Variants in TUSC3 observed in about 807,000 individuals in gnomAD.
The protein encoded by TUSC3 is tumor suppressor candidate 3, also known as dolichyl-diphosphooligosaccharide--protein glycosyltransferase subunit TUSC3.
Under a neutral mutation model 44.8 loss-of-function variants are expected in TUSC3, and 45 were observed. That is an observed-to-expected ratio of 1.00 (90% confidence interval 0.79 to 1.29). TUSC3 has a LOEUF of 1.29. Ranked by LOEUF, TUSC3 falls within the 50% of genes most tolerant of loss-of-function variation. The pLI, the probability that TUSC3 is intolerant of heterozygous loss-of-function variation, is 0.00. For synonymous variants in TUSC3, 212 were observed against 152.9 expected (o/e 1.39, Z -2.85); for missense variants, 519 against 437.9 (o/e 1.19, Z -1.65).
At chr8:15,711,754 C>A (rs573686668) in intron 6 of TUSC3, among the ~76,000 whole-genome samples, 1 of 151,640 alleles carries the variant, frequency 6.6e-6, no homozygotes, top group African/African-American at 2.4e-5. Context: ...AAAGATAATG[C>A]TATAATTGCA....
At chr8:15,661,092 A>G (rs1030524457) in intron 4 of TUSC3, among the ~76,000 whole-genome samples, 1 of 151,836 alleles carries the variant, frequency 6.6e-6, no homozygotes, top group Non-Finnish European at 1.5e-5. Flanking sequence ...ACCTCTCTCC[A>G]CACATGCAGA....
At chr8:15,622,794 A>G (rs1013992869) in intron 1 of TUSC3, among the ~76,000 whole-genome samples, 11 of 148,414 alleles carry the variant, frequency 7.4e-5, no homozygotes, top group Non-Finnish European at 1.5e-4. Context: ...GCAAGAGCTT[A>G]CTTTTCTTGA....
At chr8:15,546,454 GT>G (rs201335365) in intron 1 of TUSC3, among the ~76,000 whole-genome samples, 5 of 151,364 alleles carry the variant, frequency 3.3e-5, no homozygotes, top group African/African-American at 9.7e-5. Flanking sequence ...AAGTATTACT[GT>G]TTTTTTTACA....
At chr8:15,694,748 G>C (rs1450961186) in intron 6 of TUSC3, among the ~76,000 whole-genome samples, 1 of 152,172 alleles carries the variant, frequency 6.6e-6, no homozygotes, top group Non-Finnish European at 1.5e-5. Context: ...ACTCTGGGGG[G>C]CTGGTTTCAG....
chr8:15,753,834 T>C (rs530241786), intron 9 of TUSC3, among the ~76,000 whole-genome samples: 1 of 151,960 alleles, frequency 6.6e-6, no homozygotes, highest in Non-Finnish European at 1.5e-5. Context: ...AGCAAATATA[T>C]ATCTATTCAA....
intron 2 of TUSC3, among the ~76,000 whole-genome samples, chr8:15,524,537 G>C (rs1801347609): frequency 6.6e-6 from 1 of 152,084 alleles, no homozygotes; most frequent in African/African-American, 2.4e-5. Flanking sequence ...ATGTGGAAAT[G>C]ATATCCAATA....
chr8:15,642,318 A>G (rs190586817), intron 2 of TUSC3, among the ~76,000 whole-genome samples: 26 of 152,316 alleles, frequency 1.7e-4, no homozygotes, highest in African/African-American at 4.8e-4. Flanking sequence ...TTTTTATTCA[A>G]TTTTGTTGAG....
the TUSC3 span, among the ~76,000 whole-genome samples, chr8:15,837,793 A>G: frequency 2.6e-5 from 4 of 152,162 alleles, no homozygotes; most frequent in Non-Finnish European, 4.4e-5. Context: ...TCTGGTGAGT[A>G]TTCTTTGTCT....
In TUSC3 at chr8:15,597,573, A is replaced by G. The variant is rs180735959; in HGVS notation, c.139-25507A>G. Among the ~76,000 whole-genome samples, 5 of 152,234 alleles carry G rather than the reference A, an allele frequency of 3.3e-5. No individual in the cohort carries two copies. In the East Asian group the frequency reaches 9.7e-4, roughly 29 times the overall value. ...AGAATCAAGCCTATAAAATATGAAT[A>G]ACATCTAAAATACTAACAACATCTA... is the stretch of plus-strand genomic sequence containing the variant. On this transcript the variant is annotated intron_variant, in intron 1 of 10. Transcript: ENST00000503731.
At chr8:15,554,462 G>A (rs1033333919) in intron 1 of TUSC3, among the ~76,000 whole-genome samples, 13 of 151,452 alleles carry the variant, frequency 8.6e-5, no homozygotes, top group African/African-American at 3.1e-4. Context: ...AGGGTGAGCA[G>A]CCTCCCTGAC....
At position 15,743,548 on chromosome 8, in the gene TUSC3, C is replaced by G; in HGVS notation, c.873C>G (p.Ile291Met). The part of the protein sequence containing the change: ...SHIILVLNAA[I>M]TMGMVLLNEA... ...TGACAACTACTGCAGATGCCGCTATCACCATGGGGATGGTTCTTCTAAATG... is the reference window on the plus strand; with the variant it reads ...TGACAACTACTGCAGATGCCGCTATGACCATGGGGATGGTTCTTCTAAATG... The change falls in exon 8 of 11, where the codon ATC becomes ATG. Residue 291 changes from isoleucine to methionine, a missense_variant. Coordinates refer to ENST00000503731, the MANE Select transcript of TUSC3 (RefSeq NM_006765.4). 6.2e-7 allele frequency: 1 copy of G among 1,613,936 alleles called. No individual in the cohort carries two copies. Among genetic ancestry groups the G allele is most frequent in the Non-Finnish European group, 8.5e-7 (1 of 1,179,860 alleles).
chr8:15,464,597 T>C (rs1800391275), intron 1 of TUSC3, among the ~76,000 whole-genome samples: 1 of 152,226 alleles, frequency 6.6e-6, no homozygotes, highest in African/African-American at 2.4e-5. Flanking sequence ...TATCAGTCTT[T>C]TATATCTAAT....
chr8:15,716,640 A>G (rs1222095377), intron 6 of TUSC3, among the ~76,000 whole-genome samples: 2 of 152,160 alleles, frequency 1.3e-5, no homozygotes, highest in Admixed American at 6.6e-5. Context: ...ATTATATGCT[A>G]ATAATATGTA....
At chr8:15,671,160 T>C (rs1394761401) in intron 5 of TUSC3, among the ~76,000 whole-genome samples, 2 of 152,102 alleles carry the variant, frequency 1.3e-5, no homozygotes, top group East Asian at 3.9e-4. Context: ...TTACATACTC[T>C]GTGATACAGA....
In TUSC3 at chr8:15,617,041, CAG is replaced by C. The variant is rs1171046234; in HGVS notation, c.139-6037_139-6036del. On this transcript the variant is annotated intron_variant, in intron 1 of 10. Transcript: ENST00000503731. ...CTTTGAAAGAATCCTGTGTAATCAG[CAG>C]ACAGAGGGAGGAAATAGATGTACAC... 7.3e-5 allele frequency among the ~76,000 whole-genome samples: 11 copies of C among 151,696 alleles called. No individual in the cohort carries two copies. The East Asian group carries it at 2.1e-3, about 30-fold the overall frequency.
intron 2 of TUSC3, among the ~76,000 whole-genome samples, chr8:15,514,122 A>G (rs544164828): frequency 6.6e-6 from 1 of 152,322 alleles, no homozygotes; most frequent in Non-Finnish European, 1.5e-5. Context: ...CTGTTAGTGT[A>G]AAGTCTAGCT....
At chr8:15,694,191 C>G (rs1809045482) in intron 6 of TUSC3, among the ~76,000 whole-genome samples, 1 of 152,000 alleles carries the variant, frequency 6.6e-6, no homozygotes, top group Non-Finnish European at 1.5e-5. Flanking sequence ...GCCTGTAATT[C>G]TAGCACTTTG....
chr8:15,775,376 G>C, the TUSC3 span, among the ~76,000 whole-genome samples: 1 of 152,006 alleles, frequency 6.6e-6, no homozygotes, highest in Non-Finnish European at 1.5e-5. Context: ...TCTGGAGAGT[G>C]ATGATGATTG....
intron 2 of TUSC3, among the ~76,000 whole-genome samples, chr8:15,521,529 T>A (rs1801296259): frequency 6.6e-6 from 1 of 152,118 alleles, no homozygotes; most frequent in African/African-American, 2.4e-5. Flanking sequence ...GGGTGACCAA[T>A]CTTTGGGCTT....
Sources: gnomAD v4.1 joint callset for allele counts (sites outside exome capture counted in the v4.1 genomes callset) on GRCh38, gnomAD v4.1.1 for gene constraint, MANE v1.5 for transcripts, NCBI Gene and HGNC (gene_info 2026-07-23, HGNC 2026-07-21) for gene names.